ABCC4: variants seen among roughly 807,000 people sequenced by gnomAD.
The protein encoded by ABCC4 is ATP binding cassette subfamily C member 4 (PEL blood group), also known as ATP-binding cassette sub-family C member 4.
In ABCC4, 102 loss-of-function variants were observed where a neutral mutation model predicts 168.5. The ratio of observed to expected loss-of-function variants is 0.61; its 90% CI spans 0.52 to 0.71. The LOEUF (loss-of-function observed/expected upper bound fraction) is 0.71, where lower values mean the gene tolerates loss of function less well. Ranked by LOEUF, ABCC4 falls within the 30% of genes least tolerant of loss-of-function variation. The pLI is 0.00. For missense variants in ABCC4, 1,402 were observed against 1,605.8 expected (o/e 0.87, Z 2.17); for synonymous variants, 617 against 590.7 (o/e 1.04, Z -0.65).
At chr13:95,045,373 C>T (rs1393117335) in intron 27 of ABCC4, among the ~76,000 whole-genome samples, 3 of 152,054 alleles carry the variant, frequency 2.0e-5, no homozygotes, top group Non-Finnish European at 4.4e-5. Flanking sequence ...TAAAAAAATA[C>T]AAATGCAAAC....
At chr13:95,096,201 A>G (rs1382622158) in intron 20 of ABCC4, 5 of 637,498 alleles carry the variant, frequency 7.8e-6, no homozygotes, top group Non-Finnish European at 1.4e-5. Flanking sequence ...AAAAAAAAAC[A>G]TATTCAATGG....
intron 1 of ABCC4, among the ~76,000 whole-genome samples, chr13:95,293,773 G>A (rs1001557701): frequency 2.9e-5 from 4 of 137,544 alleles, no homozygotes; most frequent in Admixed American, 7.9e-5. Context: ...CCTGGACTAC[G>A]TTTTCTTTTG....
intron 30 of ABCC4, among the ~76,000 whole-genome samples, chr13:95,025,672 T>C (rs1282732938): frequency 6.6e-6 from 1 of 151,670 alleles, no homozygotes; most frequent in African/African-American, 2.4e-5. Context: ...TAATAAAAAT[T>C]ATTATTATAA....
chr13:95,247,822 A>G lies in ABCC4; in HGVS notation c.75-69T>C, dbSNP rs2040147830. The G allele has an allele frequency of 3.1e-5, 39 of 1,253,528 alleles. 1 individual carries two copies. In the South Asian group the frequency reaches 4.5e-4, roughly 14 times the overall value. The allele number at this position is 1,253,528 out of a possible 1,614,324, so 77.7% of individuals were successfully genotyped here. On this transcript the variant is annotated intron_variant, in intron 1 of 30. Transcript: ENST00000645237. ...CGTGTTTAAGTAGACTCCTACCTCC[A>G]TGGGTTTTGCTTAAACTTACCTTTA...
intron 19 of ABCC4, among the ~76,000 whole-genome samples, chr13:95,128,801 A>T (rs2035868358): frequency 6.6e-6 from 1 of 152,158 alleles, no homozygotes; most frequent in Non-Finnish European, 1.5e-5. Flanking sequence ...CCTTTAAATT[A>T]AAAAGTCCCT....
intron 25 of ABCC4, 81 bp from the exon 26 acceptor site, chr13:95,062,940 G>C: frequency 4.0e-6 from 6 of 1,489,250 alleles, no homozygotes; most frequent in Non-Finnish European, 5.4e-6. Flanking sequence ...GAAAACTTTC[G>C]GTTTTTGAAG....
intron 1 of ABCC4, among the ~76,000 whole-genome samples, chr13:95,252,216 A>G (rs182021144): frequency 2.6e-5 from 4 of 152,210 alleles, no homozygotes; most frequent in Admixed American, 2.0e-4. Flanking sequence ...TCAAGCCAAT[A>G]AGAAAAGGAA....
At chr13:95,049,368 G>A (rs1301178321) in intron 27 of ABCC4, among the ~76,000 whole-genome samples, 3 of 151,770 alleles carry the variant, frequency 2.0e-5, no homozygotes, top group African/African-American at 4.8e-5. Context: ...TAGGCCAGGC[G>A]CGGTGGCTCA....
chr13:95,126,858 T>A (rs1306267542), intron 19 of ABCC4, among the ~76,000 whole-genome samples: 1 of 146,482 alleles, frequency 6.8e-6, no homozygotes, highest in Admixed American at 6.8e-5. Flanking sequence ...ATATATATAT[T>A]TATATATATT....
chr13:95,145,824 T>C (rs1159575769), intron 19 of ABCC4, among the ~76,000 whole-genome samples: 1 of 152,088 alleles, frequency 6.6e-6, no homozygotes, highest in African/African-American at 2.4e-5. Flanking sequence ...TGGAAGCCAT[T>C]ATCCCAAGCA....
In ABCC4 at chr13:95,034,667, A is replaced by G. The variant is rs1156592519; in HGVS notation, c.3808T>C (p.Tyr1270His). The change falls in exon 30 of 31, where the codon TAC becomes CAC. Residue 1270 changes from tyrosine (Y) to histidine (H), a missense_variant. Coordinates refer to ENST00000645237, the MANE Select transcript of ABCC4 (RefSeq NM_005845.5). Reference protein sequence around the residue: ...VLLQNKESLFYKMVQQLGKAE... With the variant: ...VLLQNKESLFHKMVQQLGKAE... ...TTGCCCAGTTGTTGCACCATCTTGT[A>G]AAATAGGCTCTCTTTATTTTGCAGC... is the stretch of plus-strand genomic sequence containing the variant. 3 of 1,614,250 alleles carry G rather than the reference A, an allele frequency of 1.9e-6. No individual in the cohort carries two copies. The South Asian group carries it at 3.3e-5, about 18-fold the overall frequency.
At position 95,207,012 on chromosome 13, in the gene ABCC4, T is replaced by A. The variant is rs544216109; in HGVS notation, c.912-231A>T. The stretch of plus-strand genomic sequence containing the variant: ...CTGGAATGCAACAACTAATCAAATA[T>A]TTAATCCAAAAGCCAAAAAAAAAAT... On this transcript the variant is annotated intron_variant, in intron 7 of 30. Transcript: ENST00000645237. Among the ~76,000 whole-genome samples the A allele has an allele frequency of 4.1e-5, 6 of 145,126 alleles. No individual in the cohort carries two copies. The South Asian group carries it at 1.4e-3, about 33-fold the overall frequency.
At chr13:95,036,758 C>T (rs1052758425) in intron 29 of ABCC4, among the ~76,000 whole-genome samples, 1 of 151,808 alleles carries the variant, frequency 6.6e-6, no homozygotes, top group Non-Finnish European at 1.5e-5. Context: ...AAAATAAAAC[C>T]GACCTCTTTA....
chr13:95,106,550 A>G (rs1566423596), intron 20 of ABCC4, among the ~76,000 whole-genome samples: 1 of 151,810 alleles, frequency 6.6e-6, no homozygotes, highest in African/African-American at 2.4e-5. Context: ...AAAAAAATAA[A>G]AAAAAGAAAA....
chr13:95,071,988 G>A, intron 24 of ABCC4, 135 bp from the exon 25 acceptor site: 1 of 613,136 alleles, frequency 1.6e-6, no homozygotes, highest in Non-Finnish European at 2.5e-6. Flanking sequence ...CGAGGATGTT[G>A]ATGACTTACA....
At chr13:95,102,526 C>G (rs964900495) in intron 20 of ABCC4, among the ~76,000 whole-genome samples, 5 of 152,062 alleles carry the variant, frequency 3.3e-5, no homozygotes, top group African/African-American at 1.2e-4. Context: ...TTGAGCAATC[C>G]TCTCACTTCG....
chr13:95,041,114 C>T lies in ABCC4; in HGVS notation c.3735+2568G>A, dbSNP rs190371070. Among the ~76,000 whole-genome samples the T allele has an allele frequency of 7.9e-5, 12 of 152,132 alleles. No individual in the cohort carries two copies. In the East Asian group the frequency reaches 2.3e-3, roughly 29 times the overall value. ...TGTCTTTAATGTGGAGATAGTGGTG[C>T]GTATTAGAAAAAAGAGGATTTCTAA... On this transcript the variant is annotated intron_variant, in intron 29 of 30. Coordinates refer to ENST00000645237, the MANE Select transcript of ABCC4 (RefSeq NM_005845.5).
In ABCC4 at chr13:95,166,379, A is replaced by G. The variant is rs2037272584; in HGVS notation, c.1825-12T>C. ...TGCACCATTTTACCCTAAAATAAAA[A>G]TAAAGAATTTCAGAGAGATACATGT... is the stretch of plus-strand genomic sequence containing the variant. On this transcript the variant is annotated splice_polypyrimidine_tract_variant and intron_variant, in intron 14 of 30. Coordinates refer to ENST00000645237, the MANE Select transcript of ABCC4 (RefSeq NM_005845.5). 2 of 1,604,288 alleles carry G rather than the reference A, an allele frequency of 1.2e-6. No individual in the cohort carries two copies. Among genetic ancestry groups the G allele is most frequent in the African/African-American group, 2.7e-5 (2 of 74,484 alleles).
chr13:95,218,855 GAAAAA>G (rs1357998724), intron 4 of ABCC4, among the ~76,000 whole-genome samples: 17 of 114,668 alleles, frequency 1.5e-4, no homozygotes, highest in African/African-American at 5.4e-4. Flanking sequence ...AGAAAGAAAA[GAAAAA>G]AAAAGAAAAG....
Sources: gnomAD v4.1 joint callset for allele counts (sites outside exome capture counted in the v4.1 genomes callset) on GRCh38, gnomAD v4.1.1 for gene constraint, MANE v1.5 for transcripts, NCBI Gene and HGNC (gene_info 2026-07-23, HGNC 2026-07-21) for gene names.